TFCP2: variants seen among roughly 807,000 people sequenced by gnomAD.
The protein encoded by TFCP2 is alpha-globin transcription factor CP2.
A neutral mutation model predicts 73.4 loss-of-function variants in TFCP2; 33 were observed. That is an observed-to-expected ratio of 0.45 (90% CI 0.34 to 0.60). The LOEUF (loss-of-function observed/expected upper bound fraction) is 0.60. Among genes scored for constraint, TFCP2 ranks in the 20% least tolerant of loss-of-function variants. TFCP2 has a pLI of 0.01. For synonymous variants in TFCP2, 193 were observed against 211.6 expected (o/e 0.91, Z 0.76); for missense variants, 352 against 604.0 (o/e 0.58, Z 4.37).
chr12:51,166,201 G>A (rs1033520359), intron 1 of TFCP2, among the ~76,000 whole-genome samples: 7 of 151,488 alleles, frequency 4.6e-5, no homozygotes, highest in African/African-American at 1.5e-4. Context: ...TGTAATCCCA[G>A]CTACTTGGGA....
chr12:51,167,334 A>G (rs1941775668), intron 1 of TFCP2, among the ~76,000 whole-genome samples: 1 of 152,204 alleles, frequency 6.6e-6, no homozygotes, highest in African/African-American at 2.4e-5. Context: ...ATATTTTATA[A>G]AACAAATTGC....
Position 51,099,714 on chromosome 12 carries a change from T to A in TFCP2, c.1217A>T (p.Gln406Leu), listed in dbSNP as rs1212058593. The change falls in exon 12 of 15, where the codon CAA becomes CTA. Residue 406 changes from glutamine (Q) to leucine (L), a missense_variant. By Grantham distance (113) the Gln-to-Leu change is moderately radical (BLOSUM62 -2). Around this residue, in one of 6 missense-constraint regions of TFCP2, gnomAD observed 194 missense variants for 256.3 expected, o/e 0.76. Coordinates refer to ENST00000257915, the MANE Select transcript of TFCP2 (RefSeq NM_005653.5). ...QESLQLREQQ[Q>L]QQQQQQQKHE... Reference sequence around the variant, plus strand: ...CTTCTGCTGCTGTTGCTGCTGCTGTTGTTGCTGCTCCCTCAACTGCAGTGA... The same window carrying A: ...CTTCTGCTGCTGTTGCTGCTGCTGTAGTTGCTGCTCCCTCAACTGCAGTGA... The A allele has an allele frequency of 6.2e-7, 1 of 1,614,098 alleles. No homozygotes were observed. The highest frequency in any genetic ancestry group is 2.2e-5 in the East Asian group (1 of 44,898).
chr12:51,094,491 A>G lies in TFCP2; in HGVS notation c.*750T>C, dbSNP rs1939910652. On this transcript the variant is annotated 3_prime_UTR_variant, in exon 15 of 15. Coordinates refer to ENST00000257915, the MANE Select transcript of TFCP2 (RefSeq NM_005653.5). ...TGAGAGGGTGAATAAGGAGGGCCAG[A>G]TTGCCTGGTTTGGATTTCAGCATCA... 6.6e-6 allele frequency: 1 copy of G among 152,188 alleles called. No individual in the cohort carries two copies. Among genetic ancestry groups the G allele is most frequent in the Admixed American group, 6.6e-5 (1 of 15,262 alleles). The allele number at this position is 152,188 out of a possible 1,614,324, so 9.4% of individuals were successfully genotyped here.
At chr12:51,160,323 G>A (rs1941622934) in intron 1 of TFCP2, among the ~76,000 whole-genome samples, 1 of 152,008 alleles carries the variant, frequency 6.6e-6, no homozygotes, top group Admixed American at 6.6e-5. Context: ...CTTTAGCAGA[G>A]ATGAGGTTTC....
Position 51,172,317 on chromosome 12 carries a change from C to G in TFCP2, c.106G>C (p.Gly36Arg), listed in dbSNP as rs1342279215. The G allele has an allele frequency of 6.2e-7, 1 of 1,613,968 alleles. No individual in the cohort carries two copies. Among genetic ancestry groups the G allele is most frequent in the African/African-American group, 1.3e-5 (1 of 74,898 alleles). The change falls in exon 1 of 15, where the codon GGT (glycine) becomes CGT (arginine). Residue 36 changes from glycine to arginine, a missense_variant. Around this residue, in one of 6 missense-constraint regions of TFCP2, gnomAD observed 76 missense variants for 163.2 expected, o/e 0.47. Transcript: ENST00000257915. ...LSGIGQELGA[G>R]AYSMSDVLAL... ...CTCACTCACCTCATGCTATAGGCAC[C>G]AGCACCCAGTTCCTGGCCGATCCCG...
chr12:51,145,067 G>C (rs1210641690), intron 1 of TFCP2, among the ~76,000 whole-genome samples: 1 of 152,108 alleles, frequency 6.6e-6, no homozygotes, highest in Non-Finnish European at 1.5e-5. Flanking sequence ...TGGGCATGGT[G>C]GTGGGCGCCT....
chr12:51,151,057 T>G (rs934227099), intron 1 of TFCP2, among the ~76,000 whole-genome samples: 11 of 152,280 alleles, frequency 7.2e-5, no homozygotes, highest in African/African-American at 2.6e-4. Context: ...AGAAGGCCTC[T>G]CTGATAAAAA....
intron 1 of TFCP2, among the ~76,000 whole-genome samples, chr12:51,161,905 AAAC>A (rs1381207061): frequency 9.6e-5 from 14 of 146,146 alleles, no homozygotes; most frequent in African/African-American, 3.1e-4. Context: ...ACAAACAAAC[AAAC>A]AAAAAAACTA....
In TFCP2 at chr12:51,120,906, T is replaced by A. The variant is rs552057560; in HGVS notation, c.123-2134A>T. Among the ~76,000 whole-genome samples, 93 of 98,918 alleles carry A rather than the reference T, an allele frequency of 9.4e-4. 1 individual carries two copies. Among genetic ancestry groups the A allele is most frequent in the Non-Finnish European group, 1.6e-3 (82 of 52,660 alleles). 64.9% of individuals were successfully genotyped at this position (98,918 alleles called of 152,430 possible). A position where few individuals can be genotyped will look rare whatever the true frequency, so the allele number is the denominator to read the frequency against. ...GCCTGGGCGACATAGCGAGACTGTG[T>A]CTCAAAAAAAAAAAAAAAAAAAAGG... On this transcript the variant is annotated intron_variant, in intron 1 of 14. Transcript: ENST00000257915.
chr12:51,112,120 C>T (rs10747604), intron 4 of TFCP2, among the ~76,000 whole-genome samples: 117,376 of 152,002 alleles, frequency 0.77, 45,480 homozygotes, highest in Admixed American at 0.82. Context: ...TATTGCGCCA[C>T]TGTGCTCCAG....
rs541842167 is a variant in TFCP2, at chr12:51,122,627, C to T, written c.123-3855G>A. On this transcript the variant is annotated intron_variant, in intron 1 of 14. Coordinates refer to ENST00000257915, the MANE Select transcript of TFCP2 (RefSeq NM_005653.5). ...GAAACACAAAAGGCACTTTCTTTTG[C>T]TTAGGCTTTGCTCATATGAGTTAAG... Among the ~76,000 whole-genome samples, 23 of 152,266 alleles carry T rather than the reference C, an allele frequency of 1.5e-4. 1 individual carries two copies. In the South Asian group the frequency reaches 4.8e-3, roughly 32 times the overall value.
chr12:51,157,414 A>T (rs1375797390), intron 1 of TFCP2, among the ~76,000 whole-genome samples: 1 of 151,920 alleles, frequency 6.6e-6, no homozygotes, highest in East Asian at 1.9e-4. Flanking sequence ...TTCCTGGACT[A>T]AAGCAATCCT....
At chr12:51,136,035 G>A (rs1453190592) in intron 1 of TFCP2, among the ~76,000 whole-genome samples, 3 of 151,930 alleles carry the variant, frequency 2.0e-5, no homozygotes, top group Non-Finnish European at 2.9e-5. Flanking sequence ...GGCCGGGCGC[G>A]GTGGCTCATG....
chr12:51,117,881 C>G (rs1343146235), intron 2 of TFCP2, 134 bp from the exon 3 acceptor site: 2 of 605,110 alleles, frequency 3.3e-6, no homozygotes, highest in Non-Finnish European at 5.7e-6. Flanking sequence ...AATCAGAAGC[C>G]TTTACAAGAT....
At chr12:51,146,672 G>C (rs191834224) in intron 1 of TFCP2, among the ~76,000 whole-genome samples, 9 of 152,208 alleles carry the variant, frequency 5.9e-5, no homozygotes, top group Admixed American at 5.9e-4. Flanking sequence ...TAATCCCTCT[G>C]CCTGGAATAT....
intron 1 of TFCP2, among the ~76,000 whole-genome samples, chr12:51,139,924 C>T (rs1207971238): frequency 1.3e-5 from 2 of 152,178 alleles, no homozygotes; most frequent in African/African-American, 2.4e-5. Flanking sequence ...CCCAAGGTTA[C>T]ACAGCTATTA....
chr12:51,124,158 T>C (rs965422064), intron 1 of TFCP2, among the ~76,000 whole-genome samples: 24 of 152,160 alleles, frequency 1.6e-4, no homozygotes, highest in African/African-American at 5.8e-4. Context: ...TACAGTGGCG[T>C]GATCAAAGCT....
At chr12:51,108,670 A>C (rs747778344) in intron 6 of TFCP2, among the ~76,000 whole-genome samples, 3 of 151,972 alleles carry the variant, frequency 2.0e-5, no homozygotes, top group Non-Finnish European at 4.4e-5. Context: ...CTTACTGGGG[A>C]AGCTGAGGCA....
intron 1 of TFCP2, among the ~76,000 whole-genome samples, chr12:51,165,085 T>C (rs1941726816): frequency 1.3e-5 from 2 of 152,190 alleles, no homozygotes; most frequent in South Asian, 4.1e-4. Context: ...CTGGGCATGG[T>C]GGCTCACACC....
Sources: gnomAD v4.1 joint callset for allele counts (sites outside exome capture counted in the v4.1 genomes callset) on GRCh38, gnomAD v4.1.1 for gene constraint, gnomAD v4.1.1 regional missense constraint, MANE v1.5 for transcripts, NCBI Gene and HGNC (gene_info 2026-07-23, HGNC 2026-07-21) for gene names.